MYRIP: variants seen among roughly 807,000 people sequenced by gnomAD.
The protein encoded by MYRIP is myosin VIIA and Rab interacting protein.
In MYRIP, 49 loss-of-function variants were observed where a neutral mutation model predicts 98.0. That is an observed-to-expected ratio of 0.50 (90% CI 0.40 to 0.63). The LOEUF (loss-of-function observed/expected upper bound fraction) is 0.63. MYRIP is among the 30% of genes least tolerant of loss of function. The probability of loss-of-function intolerance (pLI) is 0.00; values close to 1 mark genes in which losing one functional copy is unlikely to be tolerated. For missense variants in MYRIP, 1,004 were observed against 1,058.2 expected (o/e 0.95, Z 0.71); for synonymous variants, 404 against 409.5 (o/e 0.99, Z 0.16).
intron 2 of MYRIP, among the ~76,000 whole-genome samples, chr3:40,013,942 G>C (rs980320159): frequency 2.6e-5 from 4 of 152,212 alleles, no homozygotes; most frequent in African/African-American, 9.7e-5. Context: ...CACAGCTCCT[G>C]TTGTATTGGG....
chr3:40,139,824 C>T (rs1472008085), intron 3 of MYRIP, among the ~76,000 whole-genome samples: 4 of 152,208 alleles, frequency 2.6e-5, no homozygotes, highest in African/African-American at 9.6e-5. Context: ...AAGTGATCCA[C>T]CCATCTCAGC....
chr3:39,838,121 G>A (rs559768086), intron 1 of MYRIP, among the ~76,000 whole-genome samples: 70 of 152,116 alleles, frequency 4.6e-4, no homozygotes, highest in Non-Finnish European at 5.9e-4. Flanking sequence ...GAGACAGTGG[G>A]GTTTTCTAAA....
chr3:40,098,740 T>TTGTGCGTGTGTGTGTGTGTG (rs746213546), intron 3 of MYRIP, among the ~76,000 whole-genome samples: 1 of 135,188 alleles, frequency 7.4e-6, no homozygotes. Context: ...GTCTCTCTCA[T>TTGTGCGTGTGTGTGTGTGTG]TGTGTGTGTG....
chr3:40,176,917 AAAAAAAAAG>A (rs1466664761), intron 8 of MYRIP, among the ~76,000 whole-genome samples: 2 of 145,548 alleles, frequency 1.4e-5, no homozygotes, highest in Non-Finnish European at 3.1e-5. Flanking sequence ...TCAAAAAAAA[AAAAAAAAAG>A]AAAAGAAAAG....
chr3:39,860,069 GT>G (rs1258437150), intron 1 of MYRIP, among the ~76,000 whole-genome samples: 4 of 152,180 alleles, frequency 2.6e-5, no homozygotes, highest in African/African-American at 9.7e-5. Context: ...AATTATTTCT[GT>G]TTGCAGATGA....
At chr3:39,865,777 G>C (rs1267210830) in intron 1 of MYRIP, among the ~76,000 whole-genome samples, 1 of 151,848 alleles carries the variant, frequency 6.6e-6, no homozygotes, top group Non-Finnish European at 1.5e-5. Flanking sequence ...TGATTTATCA[G>C]AGAACTTAGA....
chr3:39,870,030 G>C (rs1307564210), intron 1 of MYRIP, among the ~76,000 whole-genome samples: 1 of 152,084 alleles, frequency 6.6e-6, no homozygotes, highest in East Asian at 1.9e-4. Flanking sequence ...AAGGAGAGAG[G>C]CCTGAAGCAC....
chr3:39,945,323 A>G (rs975689945), intron 2 of MYRIP, among the ~76,000 whole-genome samples: 4 of 148,140 alleles, frequency 2.7e-5, no homozygotes, highest in Non-Finnish European at 6.0e-5. Context: ...AAAAAAAAAA[A>G]AAAAAAAAAA....
At chr3:40,003,689 C>T (rs924783525) in intron 2 of MYRIP, among the ~76,000 whole-genome samples, 5 of 152,152 alleles carry the variant, frequency 3.3e-5, no homozygotes, top group South Asian at 4.1e-4. Flanking sequence ...TCAAGTCTTT[C>T]GGCACTCTGA....
chr3:39,908,791 A>G (rs1943944067), intron 2 of MYRIP, among the ~76,000 whole-genome samples: 1 of 152,218 alleles, frequency 6.6e-6, no homozygotes, highest in African/African-American at 2.4e-5. Context: ...TGAATTAGCA[A>G]ATACTTCTGC....
At chr3:39,849,085 A>G (rs1359995862) in intron 1 of MYRIP, among the ~76,000 whole-genome samples, 1 of 152,222 alleles carries the variant, frequency 6.6e-6, no homozygotes, top group Admixed American at 6.5e-5. Flanking sequence ...TGTAGAGGGT[A>G]CATCTGTCTA....
At chr3:40,143,299 G>T (rs1949946755) in intron 3 of MYRIP, among the ~76,000 whole-genome samples, 1 of 152,180 alleles carries the variant, frequency 6.6e-6, no homozygotes, top group Non-Finnish European at 1.5e-5. Context: ...CGACACAAAG[G>T]TTCTTCTCAT....
chr3:39,889,767 T>C (rs746103202), intron 1 of MYRIP, among the ~76,000 whole-genome samples: 16 of 152,194 alleles, frequency 1.1e-4, no homozygotes, highest in Admixed American at 3.9e-4. Flanking sequence ...ATGTTGAATT[T>C]ATTCAGTGTT....
chr3:39,865,521 A>G (rs1183393147), intron 1 of MYRIP, among the ~76,000 whole-genome samples: 1 of 152,208 alleles, frequency 6.6e-6, no homozygotes, highest in Non-Finnish European at 1.5e-5. Context: ...GAAGGATATT[A>G]ACAGACACTT....
chr3:39,854,637 T>C (rs1942232284), intron 1 of MYRIP, among the ~76,000 whole-genome samples: 1 of 152,240 alleles, frequency 6.6e-6, no homozygotes, highest in Non-Finnish European at 1.5e-5. Flanking sequence ...ATTCTTTTTC[T>C]GGCAATTCAG....
At chr3:39,897,735 A>C (rs1163302686) in intron 1 of MYRIP, among the ~76,000 whole-genome samples, 2 of 152,112 alleles carry the variant, frequency 1.3e-5, no homozygotes, top group African/African-American at 2.4e-5. Context: ...AAAAGGAAGA[A>C]GCTTTTACCA....
At chr3:39,985,738 A>G (rs13091479) in intron 2 of MYRIP, among the ~76,000 whole-genome samples, 15 of 152,024 alleles carry the variant, frequency 9.9e-5, no homozygotes, top group East Asian at 3.9e-4. Context: ...ATGGTGCTGG[A>G]AAAACTGGCT....
At chr3:40,211,475 C>G (rs1417708146) in intron 11 of MYRIP, among the ~76,000 whole-genome samples, 1 of 152,168 alleles carries the variant, frequency 6.6e-6, no homozygotes, top group Non-Finnish European at 1.5e-5. Context: ...CAAGTCCTCA[C>G]CCATAAATCT....
chr3:39,904,311 A>G (rs1191990998), intron 2 of MYRIP, among the ~76,000 whole-genome samples: 1 of 152,154 alleles, frequency 6.6e-6, no homozygotes, highest in Non-Finnish European at 1.5e-5. Flanking sequence ...CAGTGGCACG[A>G]TGCAACCTCT....
Sources: gnomAD v4.1 joint callset for allele counts (sites outside exome capture counted in the v4.1 genomes callset) on GRCh38, gnomAD v4.1.1 for gene constraint, MANE v1.5 for transcripts, NCBI Gene and HGNC (gene_info 2026-07-23, HGNC 2026-07-21) for gene names.